NME7: variants seen among roughly 807,000 people sequenced by gnomAD.
The protein encoded by NME7 is NME/NM23 family member 7.
In NME7, 41 loss-of-function variants were observed where a neutral mutation model predicts 49.1. That is an observed-to-expected ratio of 0.83 (90% CI 0.65 to 1.08). The LOEUF is 1.08. Ranked by LOEUF, NME7 falls within the 50% of genes least tolerant of loss-of-function variation. The pLI, the probability that NME7 is intolerant of heterozygous loss-of-function variation, is 0.00. For missense variants in NME7, 423 were observed against 463.4 expected, an observed-to-expected ratio of 0.91 and a Z score of 0.80; for synonymous variants, 139 against 150.6, an observed-to-expected ratio of 0.92 and a Z score of 0.56.
intron 3 of NME7, among the ~76,000 whole-genome samples, chr1:169,314,679 A>G (rs2101926037): frequency 6.6e-6 from 1 of 152,184 alleles, no homozygotes; most frequent in East Asian, 1.9e-4. Flanking sequence ...GATAGGTTGA[A>G]AGGTGCAGCA....
intron 1 of NME7, among the ~76,000 whole-genome samples, chr1:169,340,926 T>C (rs1652671068): frequency 6.6e-6 from 1 of 152,148 alleles, no homozygotes; most frequent in Admixed American, 6.5e-5. Flanking sequence ...TGGTTTGAGA[T>C]TGGAACTTAT....
chr1:169,322,355 G>A (rs1651878798), intron 3 of NME7: 1 of 152,190 alleles, frequency 6.6e-6, no homozygotes, highest in African/African-American at 2.4e-5. Flanking sequence ...CACAGAAAGA[G>A]CCACATGCAG....
intron 2 of NME7, among the ~76,000 whole-genome samples, chr1:169,324,012 C>T (rs1571389339): frequency 6.6e-6 from 1 of 151,936 alleles, no homozygotes; most frequent in Admixed American, 6.6e-5. Flanking sequence ...TGCCACCACA[C>T]CCGGCTAATT....
chr1:169,302,766 A>G (rs2101911662), intron 5 of NME7, among the ~76,000 whole-genome samples: 1 of 152,266 alleles, frequency 6.6e-6, no homozygotes, highest in Admixed American at 6.5e-5. Context: ...ATCTAAAGTA[A>G]AAGTTGACAT....
In NME7 at chr1:169,257,433, T is replaced by G. The variant is rs1571333580; in HGVS notation, c.755-19746A>C. 3.7e-5 allele frequency among the ~76,000 whole-genome samples: 5 copies of G among 133,788 alleles called. No individual in the cohort carries two copies. In the South Asian group the frequency reaches 1.2e-3, roughly 31 times the overall value. The allele number at this position is 133,788 out of a possible 152,430, so 87.8% of individuals were successfully genotyped here. A position where few individuals can be genotyped will look rare whatever the true frequency, so the allele number is the denominator to read the frequency against. On this transcript the variant is annotated intron_variant, in intron 7 of 11. Transcript: ENST00000367811. ...TCGCCCTGCTTCGGCTTGCGAACGGTACGCGCACCCACTGACCTGCGCCCA... is the reference window on the plus strand; with the variant it reads ...TCGCCCTGCTTCGGCTTGCGAACGGGACGCGCACCCACTGACCTGCGCCCA...
chr1:169,201,720 T>C (rs1200615461), intron 10 of NME7, among the ~76,000 whole-genome samples: 2 of 152,044 alleles, frequency 1.3e-5, no homozygotes, highest in African/African-American at 2.4e-5. Context: ...GGAAGGAGAA[T>C]GGGATCTGCT....
intron 10 of NME7, among the ~76,000 whole-genome samples, chr1:169,172,030 T>C (rs535110327): frequency 1.3e-5 from 2 of 152,170 alleles, no homozygotes; most frequent in African/African-American, 4.8e-5. Flanking sequence ...TTCTGCTCAA[T>C]GTAAGCAAGC....
intron 1 of NME7, among the ~76,000 whole-genome samples, chr1:169,335,732 ATATT>A (rs1184079232): frequency 6.8e-6 from 1 of 147,250 alleles, no homozygotes; most frequent in Non-Finnish European, 1.5e-5. Flanking sequence ...TAAATAATAT[ATATT>A]TAATATATAC....
At chr1:169,149,707 T>C (rs76789229) in intron 11 of NME7, among the ~76,000 whole-genome samples, 2,603 of 152,318 alleles carry the variant, frequency 0.017, 67 homozygotes, top group African/African-American at 0.057. Flanking sequence ...TTCATCCTTC[T>C]TGTGATGATG....
intron 10 of NME7, among the ~76,000 whole-genome samples, chr1:169,228,683 C>CAAAAA (rs747705690): frequency 3.3e-5 from 3 of 90,404 alleles, no homozygotes; most frequent in African/African-American, 5.4e-5. Flanking sequence ...GACTCCGTCT[C>CAAAAA]AAAAAAAAAA....
chr1:169,352,768 GAA>G (rs1282699887), intron 1 of NME7, among the ~76,000 whole-genome samples: 1 of 151,660 alleles, frequency 6.6e-6, no homozygotes, highest in African/African-American at 2.4e-5. Flanking sequence ...TGCCAACAGT[GAA>G]CAATCTGAAA....
chr1:169,219,033 G>A (rs913135757), intron 10 of NME7, among the ~76,000 whole-genome samples: 1 of 152,112 alleles, frequency 6.6e-6, no homozygotes, highest in Non-Finnish European at 1.5e-5. Flanking sequence ...ATAAGTAGGA[G>A]CTCTTCATTT....
intron 7 of NME7, among the ~76,000 whole-genome samples, chr1:169,258,405 T>C (rs3981318): frequency 0.19 from 12,766 of 68,544 alleles, 2,554 homozygotes; most frequent in Admixed American, 0.33. Flanking sequence ...TATATATATA[T>C]ACACACACAC....
intron 9 of NME7, among the ~76,000 whole-genome samples, chr1:169,232,230 T>C (rs1647652157): frequency 6.6e-6 from 1 of 151,822 alleles, no homozygotes; most frequent in African/African-American, 2.4e-5. Context: ...AGAAGAGCAA[T>C]AAATTTGAAG....
chr1:169,274,607 G>A (rs77402176), intron 7 of NME7, among the ~76,000 whole-genome samples: 11,856 of 131,680 alleles, frequency 0.09, 3,189 homozygotes, highest in East Asian at 0.75. Context: ...TAGGTCTAAC[G>A]TTTAAGTCTT....
intron 7 of NME7, among the ~76,000 whole-genome samples, chr1:169,257,031 T>C (rs1301499955): frequency 7.5e-6 from 1 of 132,734 alleles, no homozygotes; most frequent in East Asian, 2.1e-4. Flanking sequence ...GTCTGTGCCC[T>C]GCCCCCAGAG....
At position 169,245,430 on chromosome 1, in the gene NME7, T is replaced by C. The variant is rs1211719868; in HGVS notation, c.755-7743A>G. Among the ~76,000 whole-genome samples the C allele has an allele frequency of 3.3e-5, 5 of 152,194 alleles. No homozygotes were observed. The South Asian group carries it at 8.3e-4, about 25-fold the overall frequency. ...ACAAGATAATTCACTATCACCTGTA[T>C]GCTTTGCTTCACAATCCATATAATA... On this transcript the variant is annotated intron_variant, in intron 7 of 11. Coordinates refer to ENST00000367811, the MANE Select transcript of NME7 (RefSeq NM_013330.5).
intron 8 of NME7, among the ~76,000 whole-genome samples, chr1:169,236,853 G>C (rs2101827378): frequency 1.3e-5 from 2 of 151,748 alleles, no homozygotes; most frequent in Middle Eastern, 6.8e-3. Flanking sequence ...AATAATACCA[G>C]TAAGAAAATT....
intron 10 of NME7, among the ~76,000 whole-genome samples, chr1:169,228,394 C>T (rs1448333796): frequency 6.6e-6 from 1 of 152,026 alleles, no homozygotes; most frequent in Non-Finnish European, 1.5e-5. Context: ...AAAAAAAGTA[C>T]AGGCCGGGCA....
Sources: gnomAD v4.1 joint callset for allele counts (sites outside exome capture counted in the v4.1 genomes callset) on GRCh38, gnomAD v4.1.1 for gene constraint, MANE v1.5 for transcripts, NCBI Gene and HGNC (gene_info 2026-07-23, HGNC 2026-07-21) for gene names.